The following LRRC8C variants were observed in gnomAD, a reference collection of about 807,000 sequenced individuals.
LRRC8C encodes leucine rich repeat containing 8 VRAC subunit C.
Under a neutral mutation model 55.3 loss-of-function variants are expected in LRRC8C, and 20 were observed. The ratio of observed to expected loss-of-function variants is 0.36; its 90% confidence interval spans 0.25 to 0.53. The LOEUF (loss-of-function observed/expected upper bound fraction) is 0.53, where lower values mean the gene tolerates loss of function less well. LRRC8C is among the 20% of genes least tolerant of loss of function. The pLI, the probability that LRRC8C is intolerant of heterozygous loss-of-function variation, is 0.92. For missense variants in LRRC8C, 659 were observed against 951.4 expected (o/e 0.69, Z 4.04); for synonymous variants, 376 against 360.7 (o/e 1.04, Z -0.48).
At chr1:89,689,554 T>C (rs1026444590) in intron 2 of LRRC8C, among the ~76,000 whole-genome samples, 3 of 152,130 alleles carry the variant, frequency 2.0e-5, no homozygotes, top group Admixed American at 2.0e-4. Context: ...ATGAATTAAA[T>C]GGTTTGAGTA....
intron 1 of LRRC8C, among the ~76,000 whole-genome samples, chr1:89,668,599 G>A (rs986006554): frequency 2.0e-5 from 3 of 152,118 alleles, no homozygotes; most frequent in Admixed American, 1.3e-4. Context: ...TGAATTTCCC[G>A]TAAAGGAGAT....
chr1:89,702,542 C>CT (rs1358463641), intron 2 of LRRC8C, among the ~76,000 whole-genome samples: 3 of 151,906 alleles, frequency 2.0e-5, no homozygotes, highest in African/African-American at 7.3e-5. Flanking sequence ...CAAAACCAGC[C>CT]TGGGCAACAT....
chr1:89,664,426 A>T (rs1158996450), intron 1 of LRRC8C, among the ~76,000 whole-genome samples: 1 of 152,050 alleles, frequency 6.6e-6, no homozygotes, highest in Non-Finnish European at 1.5e-5. Context: ...TATTTTTGTC[A>T]GGTTTGTCAA....
At chr1:89,638,262 G>A (rs557547105) in intron 1 of LRRC8C, among the ~76,000 whole-genome samples, 59 of 152,238 alleles carry the variant, frequency 3.9e-4, no homozygotes, top group Admixed American at 7.2e-4. Flanking sequence ...TCCAAGGGCC[G>A]GAAACACTAG....
intron 2 of LRRC8C, among the ~76,000 whole-genome samples, chr1:89,690,578 GAATA>G (rs1423316949): frequency 2.8e-5 from 1 of 35,740 alleles, no homozygotes; most frequent in Admixed American, 3.5e-4. Context: ...AAATCTTTTA[GAATA>G]AATAGTTAAC....
Position 89,713,030 on chromosome 1 carries a change from A to T in LRRC8C, c.460A>T (p.Lys154Ter). ...GTTCAAATTCCCTGGTTCCAGCTCC[A>T]AAATAGAACATTTCATCTCCATTCT... ...FWFKFPGSSS[K>*]IEHFISILGK... is the part of the protein sequence containing the mutation. The change falls in exon 3 of 3, where the codon AAA becomes TAA. Residue 154 changes from lysine (K) to a stop codon, truncating the protein, a stop_gained. Coordinates refer to ENST00000370454, the MANE Select transcript of LRRC8C (RefSeq NM_032270.5). LOFTEE classifies it high-confidence loss of function. This position sits in a 1 kb window ranked among gnomAD's most constrained non-coding sequence, Gnocchi z 5.2. The T allele has an allele frequency of 6.2e-7, 1 of 1,614,210 alleles. No individual in the cohort carries two copies. Among genetic ancestry groups the T allele is most frequent in the Non-Finnish European group, 8.5e-7 (1 of 1,180,044 alleles).
At chr1:89,662,456 A>G (rs1384549019) in intron 1 of LRRC8C, among the ~76,000 whole-genome samples, 3 of 152,318 alleles carry the variant, frequency 2.0e-5, no homozygotes, top group African/African-American at 7.2e-5. Flanking sequence ...ACCCAGGATC[A>G]TTCTGGTTGC....
At chr1:89,636,695 C>G (rs569953654) in intron 1 of LRRC8C, among the ~76,000 whole-genome samples, 1 of 152,262 alleles carries the variant, frequency 6.6e-6, no homozygotes, top group African/African-American at 2.4e-5. Flanking sequence ...AAAGCTACCT[C>G]CTTCATGAGC....
In LRRC8C at chr1:89,712,907, C is replaced by G. The variant is rs780711410; in HGVS notation, c.337C>G (p.Gln113Glu). ...CCTTCAGCAGTACAGCTTTATAAAT[C>G]AGATGTGTTATGAGCGAGCCCTCCA... ...LDLQQYSFIN[Q>E]MCYERALHWY... The change falls in exon 3 of 3, where the codon CAG (glutamine) becomes GAG (glutamate). Residue 113 changes from glutamine (Q) to glutamate (E), a missense_variant. By Grantham distance (29) the Gln-to-Glu change is conservative. Coordinates refer to ENST00000370454, the MANE Select transcript of LRRC8C (RefSeq NM_032270.5). 6.2e-7 allele frequency: 1 copy of G among 1,613,990 alleles called. No homozygotes were observed. Among genetic ancestry groups the G allele is most frequent in the Non-Finnish European group, 8.5e-7 (1 of 1,180,024 alleles).
intron 1 of LRRC8C, among the ~76,000 whole-genome samples, chr1:89,660,896 G>T (rs942970380): frequency 6.6e-6 from 1 of 152,196 alleles, no homozygotes; most frequent in African/African-American, 2.4e-5. Flanking sequence ...CTCTCATGCA[G>T]CAGTTTAAAG....
chr1:89,651,680 A>G (rs1019370366), intron 1 of LRRC8C, among the ~76,000 whole-genome samples: 1 of 152,166 alleles, frequency 6.6e-6, no homozygotes, highest in Non-Finnish European at 1.5e-5. Flanking sequence ...GCATTTTAAA[A>G]AAGATTGACA....
At chr1:89,661,340 A>C (rs1010137177) in intron 1 of LRRC8C, 1 of 351,258 alleles carries the variant, frequency 2.8e-6, no homozygotes, top group Admixed American at 2.9e-5. Flanking sequence ...TAACATCTGG[A>C]TTGAACAATG....
intron 1 of LRRC8C, among the ~76,000 whole-genome samples, chr1:89,642,881 G>A (rs1570690066): frequency 6.6e-6 from 1 of 150,516 alleles, no homozygotes; most frequent in East Asian, 2.0e-4. Flanking sequence ...AACTGGGTGT[G>A]TTGGTGCGCA....
intron 2 of LRRC8C, among the ~76,000 whole-genome samples, chr1:89,709,320 T>C (rs1389705763): frequency 6.6e-6 from 1 of 152,224 alleles, no homozygotes; most frequent in South Asian, 2.1e-4. Context: ...CAGTTTCTTC[T>C]TCTGTAGAAC....
intron 1 of LRRC8C, among the ~76,000 whole-genome samples, chr1:89,678,142 G>A (rs1657599524): frequency 6.6e-6 from 1 of 152,096 alleles, no homozygotes; most frequent in Admixed American, 6.6e-5. Flanking sequence ...CCTGTGTGTG[G>A]GATCTTCCTA....
intron 1 of LRRC8C, chr1:89,661,192 C>A (rs1383152804): frequency 4.7e-6 from 1 of 210,540 alleles, no homozygotes; most frequent in South Asian, 7.2e-5. Context: ...TCTAAAGCAG[C>A]TTTATAGTGA....
chr1:89,673,498 G>GT (rs1657476419), intron 1 of LRRC8C, among the ~76,000 whole-genome samples: 1 of 152,164 alleles, frequency 6.6e-6, no homozygotes, highest in Non-Finnish European at 1.5e-5. Flanking sequence ...ATACTGTACC[G>GT]TTTGTCAATG....
chr1:89,710,866 G>A (rs1218191040), intron 2 of LRRC8C, among the ~76,000 whole-genome samples: 1 of 152,168 alleles, frequency 6.6e-6, no homozygotes, highest in Non-Finnish European at 1.5e-5. Flanking sequence ...AGGAAAATAC[G>A]AATATGGGCT....
intron 2 of LRRC8C, among the ~76,000 whole-genome samples, chr1:89,709,138 G>A (rs1333858591): frequency 6.6e-6 from 1 of 152,222 alleles, no homozygotes; most frequent in Non-Finnish European, 1.5e-5. Context: ...AGCCTCCTAC[G>A]CTGGGCTGTT....
Sources: allele counts gnomAD v4.1 joint callset (sites outside exome capture counted in the v4.1 genomes callset), GRCh38; gene constraint gnomAD v4.1.1; non-coding constraint Gnocchi (gnomAD v3.1); transcripts MANE v1.5; gene names NCBI Gene and HGNC (gene_info 2026-07-23, HGNC 2026-07-21).